The following C3orf20 variants were observed in gnomAD, a reference collection of about 807,000 sequenced individuals.
C3orf20 encodes the protein uncharacterized protein C3orf20.
A neutral mutation model predicts 88.3 loss-of-function variants in C3orf20; 76 were observed. The ratio of observed to expected loss-of-function variants is 0.86; its 90% confidence interval spans 0.72 to 1.04. The LOEUF is 1.04. Ranked by LOEUF, C3orf20 falls within the 50% of genes least tolerant of loss-of-function variation. The pLI, the probability that C3orf20 is intolerant of heterozygous loss-of-function variation, is 0.00. For missense variants in C3orf20, 1,056 were observed against 1,123.3 expected, an observed-to-expected ratio of 0.94 and a Z score of 0.86; for synonymous variants, 436 against 437.4, an observed-to-expected ratio of 1.00 and a Z score of 0.04.
intron 15 of C3orf20, among the ~76,000 whole-genome samples, chr3:14,769,501 G>T (rs1161264189): frequency 6.6e-6 from 1 of 152,122 alleles, no homozygotes; most frequent in Admixed American, 6.5e-5. Context: ...TAGCACCCCT[G>T]CCCCTTGCCC....
At chr3:14,751,911 AT>A (rs1200785590) in intron 12 of C3orf20, among the ~76,000 whole-genome samples, 4 of 152,206 alleles carry the variant, frequency 2.6e-5, no homozygotes, top group Admixed American at 2.6e-4. Flanking sequence ...ACTACCCAAG[AT>A]AATTTATACA....
At chr3:14,702,120 G>A (rs1474294681) in intron 5 of C3orf20, among the ~76,000 whole-genome samples, 4 of 152,136 alleles carry the variant, frequency 2.6e-5, no homozygotes. Context: ...GGTTTAACTG[G>A]ACTTCAGTTC....
At chr3:14,755,191 C>A (rs1575155725) in intron 12 of C3orf20, among the ~76,000 whole-genome samples, 1 of 151,742 alleles carries the variant, frequency 6.6e-6, no homozygotes. Context: ...AAATATGTTT[C>A]TCGGTTTGTC....
At chr3:14,708,909 G>T (rs1462859903) in intron 7 of C3orf20, among the ~76,000 whole-genome samples, 3 of 152,112 alleles carry the variant, frequency 2.0e-5, no homozygotes, top group African/African-American at 7.2e-5. Flanking sequence ...CTCCCAAAGT[G>T]CTGGGATTAC....
chr3:14,757,654 C>T lies in C3orf20; in HGVS notation c.2224C>T (p.Arg742Cys), dbSNP rs754294836. 5 of 1,609,824 alleles carry T rather than the reference C, an allele frequency of 3.1e-6. No individual in the cohort carries two copies. The highest frequency in any genetic ancestry group is 1.3e-5 in the African/African-American group (1 of 74,860). The stretch of plus-strand genomic sequence containing the variant: ...TCTCTACAACCACCAGCAGCGGGGC[C>T]GTGGCTCCCCCTGCATCCAGGTTGG... Reference protein sequence around the residue: ...NTLYNHQQRGRGSPCIQCRYD... With the variant: ...NTLYNHQQRGCGSPCIQCRYD... Residue 742 changes from arginine to cysteine, a missense_variant, in exon 13 of 17, where the codon CGT (arginine) becomes TGT (cysteine). Transcript: ENST00000253697.
intron 1 of C3orf20, among the ~76,000 whole-genome samples, chr3:14,676,164 C>T (rs550830640): frequency 3.1e-4 from 46 of 150,616 alleles, no homozygotes; most frequent in African/African-American, 8.6e-4. Flanking sequence ...AGCACCTCCC[C>T]GCACCCCACC....
At chr3:14,721,874 T>A (rs78080902) in intron 10 of C3orf20, 90 bp downstream of exon 10, 176,585 of 1,519,448 alleles carry the variant, frequency 0.12, 11,233 homozygotes, top group Middle Eastern at 0.19. Flanking sequence ...TTGCTCTTAC[T>A]CCCCACCACC....
intron 12 of C3orf20, among the ~76,000 whole-genome samples, chr3:14,738,103 A>C (rs1559431807): frequency 1.3e-5 from 2 of 151,648 alleles, no homozygotes; most frequent in Non-Finnish European, 2.9e-5. Context: ...GGTTGGAGTC[A>C]ATTTCTTCCA....
At chr3:14,730,192 T>TA (rs2034491479) in intron 12 of C3orf20, among the ~76,000 whole-genome samples, 1 of 152,236 alleles carries the variant, frequency 6.6e-6, no homozygotes, top group African/African-American at 2.4e-5. Flanking sequence ...AACATTATGA[T>TA]TGTGAGATTT....
At chr3:14,761,907 G>C (rs960725704) in intron 15 of C3orf20, among the ~76,000 whole-genome samples, 2 of 152,168 alleles carry the variant, frequency 1.3e-5, no homozygotes, top group Admixed American at 1.3e-4. Flanking sequence ...TGGAAAAAGA[G>C]CCCCCTTGGG....
intron 9 of C3orf20, among the ~76,000 whole-genome samples, chr3:14,717,419 A>AGAG (rs2033982632): frequency 6.6e-6 from 1 of 152,006 alleles, no homozygotes; most frequent in Admixed American, 6.6e-5. Flanking sequence ...ATTCACATAG[A>AGAG]GAGGAGGAGG....
At chr3:14,730,334 T>C (rs1170192151) in intron 12 of C3orf20, among the ~76,000 whole-genome samples, 1 of 151,860 alleles carries the variant, frequency 6.6e-6, no homozygotes, top group African/African-American at 2.4e-5. Flanking sequence ...GATCACGAGG[T>C]TGGGAGATAG....
Position 14,684,238 on chromosome 3 carries a change from T to G in C3orf20, c.485-4T>G. On this transcript the variant is annotated splice_region_variant and splice_polypyrimidine_tract_variant and intron_variant, in intron 3 of 16. Coordinates refer to ENST00000253697, the MANE Select transcript of C3orf20 (RefSeq NM_032137.5). ...ACACGTGTTGCTTTCTATCATTGCT[T>G]TAGTGGGTGCCAACCCCTTGGACAT... is the stretch of plus-strand genomic sequence containing the variant. The G allele has an allele frequency of 6.2e-7, 1 of 1,613,774 alleles. No individual in the cohort carries two copies. Among genetic ancestry groups the G allele is most frequent in the Non-Finnish European group, 8.5e-7 (1 of 1,179,894 alleles).
chr3:14,725,426 A>T (rs146655269), intron 10 of C3orf20, among the ~76,000 whole-genome samples: 4 of 152,320 alleles, frequency 2.6e-5, no homozygotes, highest in African/African-American at 9.6e-5. Context: ...CAGCTTTTAC[A>T]GCCCTGAGGC....
At chr3:14,747,060 T>G (rs1410002706) in intron 12 of C3orf20, among the ~76,000 whole-genome samples, 3 of 152,026 alleles carry the variant, frequency 2.0e-5, no homozygotes, top group Non-Finnish European at 4.4e-5. Context: ...AAGCAAAGAG[T>G]GGCAACTCTA....
At chr3:14,744,149 G>A (rs2034993611) in intron 12 of C3orf20, among the ~76,000 whole-genome samples, 1 of 151,914 alleles carries the variant, frequency 6.6e-6, no homozygotes, top group Admixed American at 6.6e-5. Context: ...AAAACTGAAT[G>A]CCTTTAACAA....
intron 4 of C3orf20, among the ~76,000 whole-genome samples, chr3:14,684,583 T>C (rs2032297707): frequency 6.6e-6 from 1 of 152,192 alleles, no homozygotes; most frequent in Non-Finnish European, 1.5e-5. Context: ...CGGTATCTGC[T>C]GAGTGGGCAA....
intron 11 of C3orf20, 46 bp from the exon 12 acceptor site, chr3:14,728,393 G>A: frequency 1.2e-6 from 2 of 1,609,432 alleles, no homozygotes; most frequent in Non-Finnish European, 1.7e-6. Context: ...GGGCAGAGGA[G>A]TCCTGGCCAT....
intron 5 of C3orf20, among the ~76,000 whole-genome samples, chr3:14,698,162 A>C (rs925034099): frequency 6.6e-6 from 1 of 152,236 alleles, no homozygotes. Context: ...GTTAAATGAT[A>C]GAATTCTGAA....
Sources: allele counts gnomAD v4.1 joint callset (sites outside exome capture counted in the v4.1 genomes callset), GRCh38; gene constraint gnomAD v4.1.1; transcripts MANE v1.5; gene names NCBI Gene and HGNC (gene_info 2026-07-23, HGNC 2026-07-21).